Variants in MASP1 observed in about 807,000 individuals in gnomAD.
MASP1 encodes MBL associated serine protease 1, also known as mannan-binding lectin serine protease 1.
In MASP1, 59 loss-of-function variants were observed where a neutral mutation model predicts 77.1. That is an observed-to-expected ratio of 0.77 (90% CI 0.62 to 0.95). The LOEUF is 0.95. Ranked by LOEUF, MASP1 falls within the 40% of genes least tolerant of loss-of-function variation. The pLI is 0.00. For missense variants in MASP1, 885 were observed against 912.9 expected (o/e 0.97, Z 0.39); for synonymous variants, 362 against 354.5 (o/e 1.02, Z -0.24).
intron 14 of MASP1, chr3:187,223,001 G>A: frequency 1.3e-6 from 1 of 795,072 alleles, no homozygotes; most frequent in Non-Finnish European, 2.2e-6. Context: ...GGTGGGTCTG[G>A]GCTCCTAGTT....
chr3:187,263,152 A>T (rs1715740306), intron 2 of MASP1: 1 of 241,784 alleles, frequency 4.1e-6, no homozygotes, highest in Non-Finnish European at 8.1e-6. Context: ...AAAGCATGAG[A>T]TGGAGGTGAT....
chr3:187,226,683 A>G (rs895638754), intron 11 of MASP1, among the ~76,000 whole-genome samples: 1 of 152,200 alleles, frequency 6.6e-6, no homozygotes, highest in Non-Finnish European at 1.5e-5. Context: ...AAATGCTCAT[A>G]TGATCCTAAT....
In MASP1 at chr3:187,243,560, G is replaced by A. The variant is rs566297678; in HGVS notation, c.1152C>T (p.Asn384=). 6.1e-5 allele frequency: 98 copies of A among 1,614,140 alleles called. 3 individuals are homozygous for A. In the South Asian group the frequency reaches 9.2e-4, roughly 15 times the overall value. ...EHGLITFSTR[N]NLTTYKSEIK... is the part of the protein sequence containing the mutation. The stretch of plus-strand genomic sequence containing the variant: ...TCTCAGACTTGTATGTGGTGAGGTT[G>A]TTCCTTGTAGAGAAGGTGATCAGCC... The change falls in exon 9 of 11, where the codon AAC becomes AAT. Residue 384 remains asparagine, a synonymous_variant. Transcript: ENST00000296280.
At position 187,286,196 on chromosome 3, in the gene MASP1, C is replaced by A. The variant is rs1021448726; in HGVS notation, c.6-140G>T. The A allele has an allele frequency of 1.6e-4, 111 of 715,632 alleles. No individual in the cohort carries two copies. The African/African-American group carries it at 1.6e-3, about 10-fold the overall frequency. The allele number at this position is 715,632 out of a possible 1,614,324, so 44.3% of individuals were successfully genotyped here. Reference sequence around the variant, plus strand: ...AATTAGCTTTCCCCTTCTGACCTTGCCTCCTCAGTCTGTATTATGGGAATA... The same window carrying A: ...AATTAGCTTTCCCCTTCTGACCTTGACTCCTCAGTCTGTATTATGGGAATA... On this transcript the variant is annotated intron_variant, in intron 1 of 10. Transcript: ENST00000296280.
exon 16 of MASP1, chr3:187,220,107 CTTG>C (rs1445938520): frequency 1.9e-6 from 3 of 1,613,946 alleles, no homozygotes; most frequent in Admixed American, 1.7e-5. Context: ...GGATCCAGTC[CTTG>C]TTGTGGTGGA....
downstream of MASP1, among the ~76,000 whole-genome samples, chr3:187,232,049 GC>G (rs1341853035): frequency 5.3e-5 from 8 of 152,136 alleles, no homozygotes; most frequent in South Asian, 2.1e-4. Flanking sequence ...GGAGCCTCCT[GC>G]CTGCATACCC....
chr3:187,230,458 G>A (rs1712701233), downstream of MASP1, among the ~76,000 whole-genome samples: 2 of 152,198 alleles, frequency 1.3e-5, no homozygotes, highest in South Asian at 4.1e-4. Context: ...TCAGTTATGT[G>A]TGCCTATAAA....
chr3:187,246,690 T>C (rs1661828771), intron 8 of MASP1: 16 of 988,844 alleles, frequency 1.6e-5, no homozygotes, highest in Non-Finnish European at 1.9e-5. Context: ...TTTAAAATTT[T>C]TAATCAGCGA....
At position 187,256,732 on chromosome 3, in the gene MASP1, G is replaced by T. The variant is rs780560675; in HGVS notation, c.676C>A (p.Leu226Met). ...ATGTCAAATATGTCCTCAAACTGCA[G>T]GTTGACCATGAAACCCTCCTCCAGC... ...IELEEGFMVN[L>M]QFEDIFDIED... The change falls in exon 5 of 11, where the codon CTG (leucine) becomes ATG (methionine). Residue 226 changes from leucine to methionine, a missense_variant. Transcript: ENST00000296280. 6.2e-6 allele frequency: 10 copies of T among 1,613,978 alleles called. No individual in the cohort carries two copies. Among genetic ancestry groups the T allele is most frequent in the Non-Finnish European group, 8.5e-6 (10 of 1,180,018 alleles).
intron 4 of MASP1, among the ~76,000 whole-genome samples, chr3:187,259,651 A>C (rs562411652): frequency 6.6e-6 from 1 of 152,298 alleles, no homozygotes; most frequent in South Asian, 2.1e-4. Flanking sequence ...TAACCGAATA[A>C]AAAAATAGAA....
rs111843296 is a variant in MASP1, at chr3:187,240,707, C to T, written c.1303+774G>A. 4.9e-4 allele frequency among the ~76,000 whole-genome samples: 75 copies of T among 152,324 alleles called. No homozygotes were observed. The Middle Eastern group carries it at 0.02, about 41-fold the overall frequency. On this transcript the variant is annotated intron_variant, in intron 10 of 10. Coordinates refer to ENST00000296280, the MANE Select transcript of MASP1 (RefSeq NM_139125.4). ...AGTGCAATGGTGCAATCTCAGCTCA[C>T]TGTAGCCTCTGCCCCCTGGGTTCAA...
chr3:187,223,321 G>T (rs1223946081), intron 13 of MASP1: 5 of 811,512 alleles, frequency 6.2e-6, no homozygotes, highest in Admixed American at 2.0e-5. Flanking sequence ...GAGAAAGGTG[G>T]TGTGGTGGGG....
chr3:187,232,588 T>C (rs1230292810), downstream of MASP1, among the ~76,000 whole-genome samples: 1 of 152,128 alleles, frequency 6.6e-6, no homozygotes, highest in Non-Finnish European at 1.5e-5. Flanking sequence ...TGCCTCCCTT[T>C]TCTTCAACCC....
At chr3:187,247,815 C>A (rs1714225537) in intron 8 of MASP1, among the ~76,000 whole-genome samples, 1 of 152,158 alleles carries the variant, frequency 6.6e-6, no homozygotes, top group Non-Finnish European at 1.5e-5. Flanking sequence ...ACAGAGTGCA[C>A]CCCTCTTGTC....
exon 16 of MASP1, chr3:187,219,373 C>T (rs920683714): frequency 6.5e-6 from 1 of 153,340 alleles, no homozygotes; most frequent in East Asian, 1.9e-4. Flanking sequence ...CCCCAGGCTC[C>T]CTCCTGTCCC....
In MASP1 at chr3:187,253,232, C is replaced by G; in HGVS notation, c.828G>C (p.Leu276=). The G allele has an allele frequency of 6.2e-7, 1 of 1,614,160 alleles. No homozygotes were observed. The highest frequency in any genetic ancestry group is 1.7e-4 in the Middle Eastern group (1 of 6,060). Residue 276 remains leucine (L), a synonymous_variant, in exon 6 of 11, where the codon CTG becomes CTC. Transcript: ENST00000296280. ...EPISTQSHSV[L]ILFHSDNSGE... is the part of the protein sequence containing the mutation. ...CCGAGTTGTCACTATGGAACAGGAT[C>G]AGGACACTGTGGCTCTGGGTGCTGA... is the stretch of plus-strand genomic sequence containing the variant.
downstream of MASP1, chr3:187,229,981 G>C: frequency 6.6e-7 from 1 of 1,507,910 alleles, no homozygotes; most frequent in East Asian, 2.3e-5. Context: ...TCCTCACCCT[G>C]TTAGGAACAT....
At chr3:187,231,133 C>A (rs558895649), downstream of MASP1, among the ~76,000 whole-genome samples, 11 of 152,362 alleles carry the variant, frequency 7.2e-5, no homozygotes, top group Admixed American at 2.6e-4. Context: ...TGAGTGGGAA[C>A]CCCACTGAAT....
At chr3:187,263,040 G>T (rs1715731843) in intron 2 of MASP1, 1 of 335,038 alleles carries the variant, frequency 3.0e-6, no homozygotes, top group African/African-American at 2.1e-5. Flanking sequence ...CTCGCAGACA[G>T]ATTCTCTGCA....
Sources: gnomAD v4.1 joint callset for allele counts (sites outside exome capture counted in the v4.1 genomes callset) on GRCh38, gnomAD v4.1.1 for gene constraint, MANE v1.5 for transcripts, NCBI Gene and HGNC (gene_info 2026-07-23, HGNC 2026-07-21) for gene names.